Variants in SGIP1 observed in about 807,000 individuals in gnomAD.
SGIP1 encodes the protein SH3-containing GRB2-like protein 3-interacting protein 1.
SGIP1 carries 38 observed loss-of-function variants against 107.5 expected under a neutral mutation model. The observed-to-expected ratio is 0.35, with a 90% confidence interval of 0.27 to 0.46. The LOEUF (loss-of-function observed/expected upper bound fraction) is 0.46, where lower values mean the gene tolerates loss of function less well. Ranked by LOEUF, SGIP1 falls within the 20% of genes least tolerant of loss-of-function variation. The probability of loss-of-function intolerance (pLI) is 1.00; values close to 1 mark genes in which losing one functional copy is unlikely to be tolerated. For synonymous variants in SGIP1, 365 were observed against 366.1 expected (o/e 1.00, Z 0.03); for missense variants, 929 against 1,019.5 (o/e 0.91, Z 1.21).
rs113449489 is a variant in SGIP1 at position 66,731,245 on chromosome 1, T to G, written c.1898+1826T>G. Among the ~76,000 whole-genome samples, 229 of 152,296 alleles carry G rather than the reference T, an allele frequency of 1.5e-3. 1 individual carries two copies. Among genetic ancestry groups the G allele is most frequent in the African/African-American group, 5.3e-3 (220 of 41,560 alleles). On this transcript the variant is annotated intron_variant, in intron 20 of 24. Transcript: ENST00000371037. Reference sequence around the variant, plus strand: ...AATTCTTGCTTCAGTTTCCCTCCATTTTTTGGTTGTGCACGTTGAGCCAGT... The same window carrying G: ...AATTCTTGCTTCAGTTTCCCTCCATGTTTTGGTTGTGCACGTTGAGCCAGT...
intron 19 of SGIP1, among the ~76,000 whole-genome samples, chr1:66,724,527 G>A (rs1476974490): frequency 6.6e-6 from 1 of 152,200 alleles, no homozygotes; most frequent in Non-Finnish European, 1.5e-5. Flanking sequence ...TTGTGATGCT[G>A]AAATGTAATT....
At chr1:66,579,521 G>C (rs749737950) in intron 1 of SGIP1, among the ~76,000 whole-genome samples, 1 of 152,146 alleles carries the variant, frequency 6.6e-6, no homozygotes, top group Non-Finnish European at 1.5e-5. Context: ...TAAATTCTGT[G>C]CATGTAGCAA....
chr1:66,596,466 G>A (rs558344404), intron 1 of SGIP1, among the ~76,000 whole-genome samples: 9 of 152,178 alleles, frequency 5.9e-5, no homozygotes, highest in African/African-American at 2.2e-4. Context: ...ACATCACTCA[G>A]ATGTGGGCAC....
At chr1:66,730,913 C>A (rs561788334) in intron 20 of SGIP1, among the ~76,000 whole-genome samples, 3 of 152,320 alleles carry the variant, frequency 2.0e-5, no homozygotes, top group African/African-American at 7.2e-5. Flanking sequence ...AGTCTCAGCT[C>A]TACTCTGCCT....
intron 1 of SGIP1, among the ~76,000 whole-genome samples, chr1:66,589,563 A>C (rs1304428097): frequency 6.6e-6 from 1 of 151,904 alleles, no homozygotes; most frequent in Non-Finnish European, 1.5e-5. Context: ...GTGCCTCCCC[A>C]CCAACCAGCT....
intron 8 of SGIP1, among the ~76,000 whole-genome samples, chr1:66,660,975 T>G (rs575035249): frequency 2.0e-5 from 3 of 152,150 alleles, no homozygotes; most frequent in South Asian, 2.1e-4. Flanking sequence ...AGCTGGGGGG[T>G]TTTATTTTGT....
At chr1:66,537,945 T>A (rs2054022536) in intron 1 of SGIP1, among the ~76,000 whole-genome samples, 1 of 152,142 alleles carries the variant, frequency 6.6e-6, no homozygotes, top group Non-Finnish European at 1.5e-5. Context: ...TTGGGCATGT[T>A]AACCTAATTG....
rs1557508065 is a variant in SGIP1 at position 66,660,515 on chromosome 1, G to T, written c.462G>T (p.Arg154Ser). 6.2e-7 allele frequency: 1 copy of T among 1,610,706 alleles called. No homozygotes were observed. The highest frequency in any genetic ancestry group is 1.1e-5 in the South Asian group (1 of 91,000). ...GNIALSPSPV[R>S]KSPRRSPGAI... ...CCTCCCCATGCCTACGCTTTTAGAG[G>T]AAAAGTCCGGTAAGAAATAAGTCCT... The change falls in exon 8 of 25, where the codon AGG (arginine) becomes AGT (serine). Residue 154 changes from arginine to serine, a missense_variant and splice_region_variant. Transcript: ENST00000371037.
rs182177144 is a variant in SGIP1, at chr1:66,673,410, T to C, written c.646+44T>C. ...TATATTATAGATTTGTTTTTTCTTT[T>C]ATTAAAGTACAACTCTTCTAGATTA... On this transcript the variant is annotated intron_variant, in intron 12 of 24. Transcript: ENST00000371037. The C allele has an allele frequency of 1.0e-5, 15 of 1,495,324 alleles. No individual in the cohort carries two copies. In the African/African-American group the frequency reaches 1.1e-4, roughly 11 times the overall value. The allele number at this position is 1,495,324 out of a possible 1,614,324, so 92.6% of individuals were successfully genotyped here.
chr1:66,695,271 A>AAAAAAAAAT, intron 17 of SGIP1, 163 bp from the exon 18 acceptor site: 1 of 1,325,976 alleles, frequency 7.5e-7, no homozygotes, highest in African/African-American at 1.5e-5. Flanking sequence ...AAAAAAAAAA[A>AAAAAAAAAT]GTGTAGATTG....
intron 2 of SGIP1, among the ~76,000 whole-genome samples, chr1:66,632,532 C>G (rs193259092): frequency 4.1e-4 from 63 of 152,250 alleles, no homozygotes; most frequent in African/African-American, 1.4e-3. Flanking sequence ...CCCAGCTTCT[C>G]GGGAGGCTGG....
At chr1:66,678,618 T>A (rs1308558900) in intron 13 of SGIP1, among the ~76,000 whole-genome samples, 1 of 152,152 alleles carries the variant, frequency 6.6e-6, no homozygotes, top group Non-Finnish European at 1.5e-5. Flanking sequence ...ATAATTAAGA[T>A]TAAGAACCAC....
intron 19 of SGIP1, among the ~76,000 whole-genome samples, chr1:66,721,442 T>A (rs1212635328): frequency 6.6e-6 from 1 of 152,158 alleles, no homozygotes; most frequent in Non-Finnish European, 1.5e-5. Flanking sequence ...GGGGTCTCAC[T>A]TTTTTGCCCA....
intron 2 of SGIP1, among the ~76,000 whole-genome samples, chr1:66,630,138 G>A (rs2073935013): frequency 6.6e-6 from 1 of 152,122 alleles, no homozygotes; most frequent in African/African-American, 2.4e-5. Flanking sequence ...GAAGACAAAG[G>A]ATCAGAATAG....
chr1:66,678,343 C>G (rs2085854827), intron 13 of SGIP1, among the ~76,000 whole-genome samples: 1 of 152,176 alleles, frequency 6.6e-6, no homozygotes, highest in Non-Finnish European at 1.5e-5. Flanking sequence ...AGCTGTGAGT[C>G]TTACGTGCTG....
intron 1 of SGIP1, among the ~76,000 whole-genome samples, chr1:66,585,550 A>G (rs2062467031): frequency 7.0e-6 from 1 of 143,056 alleles, no homozygotes; most frequent in Non-Finnish European, 1.5e-5. Flanking sequence ...TTTGAGAAAA[A>G]TTAAAAAGAG....
intron 1 of SGIP1, among the ~76,000 whole-genome samples, chr1:66,534,686 T>C (rs1189131172): frequency 6.6e-6 from 1 of 152,202 alleles, no homozygotes; most frequent in Non-Finnish European, 1.5e-5. Flanking sequence ...GATAAGGTTT[T>C]CTGTTCTGGG....
intron 18 of SGIP1, among the ~76,000 whole-genome samples, chr1:66,716,882 T>C (rs1159569213): frequency 6.6e-6 from 1 of 152,078 alleles, no homozygotes; most frequent in Non-Finnish European, 1.5e-5. Context: ...CTTCCACATG[T>C]CACCCTTCAA....
intron 1 of SGIP1, among the ~76,000 whole-genome samples, chr1:66,547,478 G>A (rs1436983456): frequency 6.6e-6 from 1 of 152,072 alleles, no homozygotes; most frequent in Non-Finnish European, 1.5e-5. Flanking sequence ...CAGATCAAAC[G>A]ATTTCATCTG....
Sources: allele counts gnomAD v4.1 joint callset (sites outside exome capture counted in the v4.1 genomes callset), GRCh38; gene constraint gnomAD v4.1.1; transcripts MANE v1.5; gene names NCBI Gene and HGNC (gene_info 2026-07-23, HGNC 2026-07-21).